Variants in DGKB observed in about 807,000 individuals in gnomAD.
DGKB encodes the protein diacylglycerol kinase beta.
DGKB carries 67 observed loss-of-function variants against 114.3 expected under a neutral mutation model. The observed-to-expected ratio is 0.59, with a 90% CI of 0.48 to 0.72. DGKB has a LOEUF of 0.72. Among genes scored for constraint, DGKB ranks in the 30% least tolerant of loss-of-function variants. DGKB has a pLI of 0.00. For synonymous variants in DGKB, 398 were observed against 323.1 expected (o/e 1.23, Z -2.49); for missense variants, 907 against 975.2 (o/e 0.93, Z 0.93).
chr7:14,924,331 CTATTTTCTTTGG>C (rs1343447089), intron 1 of DGKB, among the ~76,000 whole-genome samples: 6 of 152,126 alleles, frequency 3.9e-5, no homozygotes, highest in African/African-American at 1.4e-4. Context: ...AAGGCAAATT[CTATTTTCTTTGG>C]TATTTTCTAA....
At chr7:14,879,832 C>T (rs1017590192) in intron 1 of DGKB, among the ~76,000 whole-genome samples, 1 of 152,118 alleles carries the variant, frequency 6.6e-6, no homozygotes, top group African/African-American at 2.4e-5. Context: ...TGCAAAATGA[C>T]TAATAAATGA....
At chr7:14,929,007 G>C (rs1418672119) in intron 1 of DGKB, among the ~76,000 whole-genome samples, 1 of 146,216 alleles carries the variant, frequency 6.8e-6, no homozygotes, top group Non-Finnish European at 1.5e-5. Flanking sequence ...TGGCTGAAAA[G>C]TACTGCATTG....
At chr7:14,356,640 G>C (rs147973232) in intron 21 of DGKB, among the ~76,000 whole-genome samples, 1 of 151,994 alleles carries the variant, frequency 6.6e-6, no homozygotes, top group African/African-American at 2.4e-5. Context: ...GATTACAGGC[G>C]TGAGCCACCA....
intron 20 of DGKB, among the ~76,000 whole-genome samples, chr7:14,503,101 G>A (rs1363860618): frequency 6.6e-6 from 1 of 152,018 alleles, no homozygotes; most frequent in Non-Finnish European, 1.5e-5. Context: ...TAAAATATCT[G>A]CGTGCTTGTG....
chr7:14,363,098 A>T (rs1816043016), intron 21 of DGKB, among the ~76,000 whole-genome samples: 1 of 152,172 alleles, frequency 6.6e-6, no homozygotes, highest in African/African-American at 2.4e-5. Context: ...GAGACACAGT[A>T]TCCTGGCTGG....
At chr7:14,941,375 G>C (rs1785563053) in intron 1 of DGKB, among the ~76,000 whole-genome samples, 1 of 152,016 alleles carries the variant, frequency 6.6e-6, no homozygotes, top group Admixed American at 6.6e-5. Flanking sequence ...GTATCATTTT[G>C]GGATCCAGCT....
intron 6 of DGKB, among the ~76,000 whole-genome samples, chr7:14,701,983 G>C (rs1312105537): frequency 6.6e-6 from 1 of 152,028 alleles, no homozygotes; most frequent in African/African-American, 2.4e-5. Flanking sequence ...ACTATTATTT[G>C]TTTAAACTCT....
In DGKB at chr7:14,758,928, G is replaced by GATAGATAGATAGATAC. The variant is rs376591211; in HGVS notation, c.71-1198_71-1197insGTATCTATCTATCTAT. On this transcript the variant is annotated intron_variant, in intron 2 of 25. Coordinates refer to ENST00000402815, the MANE Select transcript of DGKB (RefSeq NM_001350709.2). ...AGATAGATAGATAGATAGATAGATA[G>GATAGATAGATAGATAC]ATAGATACATAGATAGATAGAGTTT... Among the ~76,000 whole-genome samples, 1,300 of 146,860 alleles carry GATAGATAGATAGATAC rather than the reference G, an allele frequency of 8.9e-3. 22 individuals carry two copies. The highest frequency in any genetic ancestry group is 0.029 in the African/African-American group (1,155 of 39,514).
At chr7:14,323,218 A>G (rs1313346412) in intron 23 of DGKB, among the ~76,000 whole-genome samples, 1 of 152,208 alleles carries the variant, frequency 6.6e-6, no homozygotes, top group Non-Finnish European at 1.5e-5. Context: ...ATATAATTCT[A>G]CTATAAAATA....
chr7:14,536,323 C>A (rs1310955657), intron 20 of DGKB, among the ~76,000 whole-genome samples: 1 of 152,120 alleles, frequency 6.6e-6, no homozygotes, highest in Non-Finnish European at 1.5e-5. Flanking sequence ...ACCTTGATAA[C>A]AAAGTAATGA....
intron 1 of DGKB, among the ~76,000 whole-genome samples, chr7:14,929,033 A>G (rs1784877939): frequency 1.3e-5 from 2 of 151,370 alleles, no homozygotes; most frequent in Admixed American, 1.3e-4. Context: ...ACACACACAC[A>G]CACACACACA....
chr7:14,186,397 G>A (rs1253979991), intron 23 of DGKB, among the ~76,000 whole-genome samples: 2 of 152,148 alleles, frequency 1.3e-5, no homozygotes, highest in Non-Finnish European at 2.9e-5. Flanking sequence ...GGTGAATAGA[G>A]AACAATTCTA....
At chr7:14,656,936 A>G (rs1021984373) in intron 13 of DGKB, among the ~76,000 whole-genome samples, 1 of 151,726 alleles carries the variant, frequency 6.6e-6, no homozygotes, top group Admixed American at 6.6e-5. Context: ...CGTTCTACAT[A>G]ATATAAACTA....
At chr7:14,306,067 T>C (rs2128496506) in intron 23 of DGKB, among the ~76,000 whole-genome samples, 1 of 152,284 alleles carries the variant, frequency 6.6e-6, no homozygotes, top group African/African-American at 2.4e-5. Flanking sequence ...TTTTTCTTTT[T>C]TTCCTCAGAG....
chr7:14,233,874 A>G (rs893151002), intron 23 of DGKB, among the ~76,000 whole-genome samples: 1 of 152,052 alleles, frequency 6.6e-6, no homozygotes, highest in Non-Finnish European at 1.5e-5. Context: ...GAAAGCCGGA[A>G]ATAAAGCTTC....
intron 14 of DGKB, among the ~76,000 whole-genome samples, chr7:14,622,034 T>C (rs1807748378): frequency 6.6e-6 from 1 of 152,000 alleles, no homozygotes; most frequent in Non-Finnish European, 1.5e-5. Flanking sequence ...CTGCTCCCTG[T>C]TTCTATTTCC....
At chr7:14,695,501 T>TATTTATTTA (rs1563935287) in intron 8 of DGKB, among the ~76,000 whole-genome samples, 1 of 120,978 alleles carries the variant, frequency 8.3e-6, no homozygotes, top group African/African-American at 3.3e-5. Flanking sequence ...TCTCTTTTTT[T>TATTTATTTA]TTTTTTTTTT....
intron 21 of DGKB, among the ~76,000 whole-genome samples, chr7:14,351,607 T>G (rs1244068705): frequency 6.6e-6 from 1 of 152,200 alleles, no homozygotes; most frequent in Admixed American, 6.5e-5. Context: ...TTTTTTTGAT[T>G]GGCAACTATA....
chr7:14,774,368 C>T (rs911117194), intron 2 of DGKB, among the ~76,000 whole-genome samples: 3 of 152,316 alleles, frequency 2.0e-5, no homozygotes, highest in East Asian at 3.9e-4. Context: ...AAGATTCTAA[C>T]TTGATTGGAT....
Sources: allele counts gnomAD v4.1 joint callset (sites outside exome capture counted in the v4.1 genomes callset), GRCh38; gene constraint gnomAD v4.1.1; transcripts MANE v1.5; gene names NCBI Gene and HGNC (gene_info 2026-07-23, HGNC 2026-07-21).